METTL15: variants seen among roughly 807,000 people sequenced by gnomAD.
The protein encoded by METTL15 is 12S rRNA N(4)-cytidine methyltransferase METTL15.
In METTL15, 34 loss-of-function variants were observed where a neutral mutation model predicts 38.3. The ratio of observed to expected loss-of-function variants is 0.89; its 90% CI spans 0.68 to 1.18. The LOEUF (loss-of-function observed/expected upper bound fraction) is 1.18, where lower values mean the gene tolerates loss of function less well. Among genes scored for constraint, METTL15 ranks in the 50% most tolerant of loss-of-function variants. The pLI is 0.00. For missense variants in METTL15, 438 were observed against 498.4 expected (o/e 0.88, Z 1.15); for synonymous variants, 162 against 170.9 (o/e 0.95, Z 0.41).
chr11:28,353,954 G>T (rs983717289), intron 4 of METTL15, among the ~76,000 whole-genome samples: 1 of 143,116 alleles, frequency 7.0e-6, no homozygotes, highest in Non-Finnish European at 1.5e-5. Context: ...AAAAAAAAAA[G>T]GTGTCAAGCA....
downstream of METTL15, among the ~76,000 whole-genome samples, chr11:28,333,987 C>G (rs1849877106): frequency 6.6e-6 from 1 of 151,692 alleles, no homozygotes; most frequent in Non-Finnish European, 1.5e-5. Context: ...GATAATGAAT[C>G]TGTACTGCAG....
chr11:28,509,503 CA>C (rs1344823944), intron 6 of METTL15, among the ~76,000 whole-genome samples: 6 of 149,152 alleles, frequency 4.0e-5, no homozygotes, highest in Non-Finnish European at 8.9e-5. Flanking sequence ...AAAAAAAAAG[CA>C]AGACTTATCT....
intron 4 of METTL15, among the ~76,000 whole-genome samples, chr11:28,265,704 C>T (rs904979181): frequency 3.3e-5 from 5 of 152,110 alleles, no homozygotes; most frequent in African/African-American, 1.2e-4. Context: ...TGAATGATTT[C>T]GTGCACTGTC....
intron 3 of METTL15, among the ~76,000 whole-genome samples, chr11:28,153,764 A>G (rs919033366): frequency 6.6e-6 from 1 of 152,128 alleles, no homozygotes; most frequent in African/African-American, 2.4e-5. Flanking sequence ...AAAATATTAT[A>G]CTCACTGACT....
intron 6 of METTL15, among the ~76,000 whole-genome samples, chr11:28,443,612 C>T (rs773477167): frequency 1.3e-5 from 2 of 152,152 alleles, no homozygotes; most frequent in Non-Finnish European, 2.9e-5. Context: ...GATGTTTACA[C>T]CCGAAACCTG....
At chr11:28,419,670 AAG>A (rs1554923234) in intron 5 of METTL15, among the ~76,000 whole-genome samples, 1 of 152,154 alleles carries the variant, frequency 6.6e-6, no homozygotes, top group Non-Finnish European at 1.5e-5. Flanking sequence ...TGAACTAAAT[AAG>A]GTGTGAGAGG....
chr11:28,500,795 T>A (rs1247123311), intron 6 of METTL15, among the ~76,000 whole-genome samples: 1 of 152,192 alleles, frequency 6.6e-6, no homozygotes, highest in African/African-American at 2.4e-5. Flanking sequence ...AGTGTTGGAA[T>A]TACAGGCGTG....
intron 3 of METTL15, among the ~76,000 whole-genome samples, chr11:28,124,748 G>A (rs553648681): frequency 5.3e-5 from 8 of 152,016 alleles, no homozygotes; most frequent in Admixed American, 5.3e-4. Flanking sequence ...TTAGTCTCTT[G>A]TCTATGGCTT....
intron 6 of METTL15, among the ~76,000 whole-genome samples, chr11:28,321,949 G>T (rs1270694916): frequency 6.6e-6 from 1 of 151,814 alleles, no homozygotes; most frequent in Non-Finnish European, 1.5e-5. Flanking sequence ...CTTCAAATGG[G>T]TACGAAAAGA....
rs1192647197 is a variant in METTL15 at position 28,430,967 on chromosome 11, C to T, written c.*424+6603C>T. ...GAGGTGAGGGGCGCCTCTGCCCGGC[C>T]GCCCCTACTGGGAAGTGAGGAGCCC... On this transcript the variant is annotated intron_variant and NMD_transcript_variant, in intron 6 of 7. Transcript: ENST00000532947. 6.5e-3 allele frequency among the ~76,000 whole-genome samples: 634 copies of T among 97,720 alleles called. 1 individual carries two copies. Among genetic ancestry groups the T allele is most frequent in the African/African-American group, 0.021 (592 of 28,618 alleles). The allele number at this position is 97,720 out of a possible 152,430, so 64.1% of individuals were successfully genotyped here. A position where few individuals can be genotyped will look rare whatever the true frequency, so the allele number is the denominator to read the frequency against.
At chr11:28,239,036 CT>C (rs994186707) in intron 4 of METTL15, among the ~76,000 whole-genome samples, 9 of 151,782 alleles carry the variant, frequency 5.9e-5, no homozygotes, top group African/African-American at 2.2e-4. Context: ...ATTTGTTCTT[CT>C]TCAGGGCTCA....
intron 5 of METTL15, among the ~76,000 whole-genome samples, chr11:28,403,952 G>C (rs1392098725): frequency 6.6e-6 from 1 of 151,894 alleles, no homozygotes; most frequent in African/African-American, 2.4e-5. Flanking sequence ...GATTTCTGCT[G>C]TTATACATTC....
At chr11:28,374,246 T>G (rs1460766962) in intron 5 of METTL15, among the ~76,000 whole-genome samples, 2 of 152,094 alleles carry the variant, frequency 1.3e-5, no homozygotes, top group Non-Finnish European at 2.9e-5. Context: ...ATCTGTAAAT[T>G]ACCTTGGGCA....
intron 6 of METTL15, among the ~76,000 whole-genome samples, chr11:28,430,834 C>A (rs1257612047): frequency 2.0e-5 from 2 of 101,062 alleles, no homozygotes; most frequent in East Asian, 6.0e-4. Context: ...GGCCAGCCGC[C>A]TGGTCCGGGA....
At chr11:28,446,313 A>G (rs903161430) in intron 6 of METTL15, among the ~76,000 whole-genome samples, 16 of 152,074 alleles carry the variant, frequency 1.1e-4, no homozygotes, top group African/African-American at 3.9e-4. Context: ...GTCTATTTTT[A>G]AAGCCCTCCA....
chr11:28,378,339 G>T (rs1286898571), intron 5 of METTL15, among the ~76,000 whole-genome samples: 1 of 152,248 alleles, frequency 6.6e-6, no homozygotes, highest in Non-Finnish European at 1.5e-5. Context: ...TGAGCCAGGT[G>T]CGGGATATAA....
chr11:28,218,896 C>T (rs1027525744), intron 4 of METTL15, among the ~76,000 whole-genome samples: 13 of 152,042 alleles, frequency 8.6e-5, no homozygotes, highest in African/African-American at 9.7e-5. Flanking sequence ...GCCTTGCATC[C>T]CAGGGATGAA....
chr11:28,310,834 G>T (rs940960201), intron 6 of METTL15, among the ~76,000 whole-genome samples: 1 of 149,520 alleles, frequency 6.7e-6, no homozygotes, highest in Non-Finnish European at 1.5e-5. Context: ...ATCTCTTTCC[G>T]TCTCCACCAG....
intron 3 of METTL15, among the ~76,000 whole-genome samples, chr11:28,178,674 A>ATG (rs761161389): frequency 6.6e-6 from 1 of 151,702 alleles, no homozygotes; most frequent in Non-Finnish European, 1.5e-5. Context: ...ATTTGTCTGT[A>ATG]TGTGTTACTT....
Sources: allele counts gnomAD v4.1 joint callset (sites outside exome capture counted in the v4.1 genomes callset), GRCh38; gene constraint gnomAD v4.1.1; transcripts MANE v1.5; gene names NCBI Gene and HGNC (gene_info 2026-07-23, HGNC 2026-07-21).